Variants in PSMD12 observed in about 807,000 individuals in gnomAD.
The protein encoded by PSMD12 is 26S proteasome non-ATPase regulatory subunit 12.
In PSMD12, 8 loss-of-function variants were observed where a neutral mutation model predicts 62.9. The observed-to-expected ratio is 0.13, with a 90% confidence interval of 0.07 to 0.23. The LOEUF is 0.23. Among genes scored for constraint, PSMD12 ranks in the 10% least tolerant of loss-of-function variants. PSMD12 has a pLI of 1.00. For synonymous variants in PSMD12, 173 were observed against 187.4 expected (o/e 0.92, Z 0.63); for missense variants, 424 against 550.2 (o/e 0.77, Z 2.29).
intron 1 of PSMD12, among the ~76,000 whole-genome samples, chr17:67,358,645 G>A (rs1451050369): frequency 2.0e-5 from 3 of 150,432 alleles, no homozygotes; most frequent in Admixed American, 6.6e-5. Context: ...TGAAGTTACC[G>A]TCACCCTAAC....
chr17:67,356,604 TTAC>T lies in PSMD12; in HGVS notation c.297+696_297+698del, dbSNP rs774937375. 7.1e-5 allele frequency among the ~76,000 whole-genome samples: 10 copies of T among 141,510 alleles called. No homozygotes were observed. The East Asian group carries it at 1.0e-3, about 15-fold the overall frequency. 92.8% of individuals were successfully genotyped at this position (141,510 alleles called of 152,430 possible). A position where few individuals can be genotyped will look rare whatever the true frequency, so the allele number is the denominator to read the frequency against. ...AAAAAAAAGAAAATGAAATATTTAGTTACTACTAAAAAAAAATTTTGAAACAGC... is the reference window on the plus strand; with the variant it reads ...AAAAAAAAGAAAATGAAATATTTAGTTACTAAAAAAAAATTTTGAAACAGC... On this transcript the variant is annotated intron_variant, in intron 3 of 10. Coordinates refer to ENST00000356126, the MANE Select transcript of PSMD12 (RefSeq NM_002816.5).
Position 67,347,200 on chromosome 17 carries a change from C to A in PSMD12, c.711G>T (p.Glu237Asp), listed in dbSNP as rs1174926857. 5.0e-6 allele frequency: 8 copies of A among 1,613,468 alleles called. No individual in the cohort carries two copies. Among genetic ancestry groups the A allele is most frequent in the Non-Finnish European group, 6.8e-6 (8 of 1,179,670 alleles). ...YNLMIQLDQHEGSYLSICKHY... is the reference protein window; with the variant it reads ...YNLMIQLDQHDGSYLSICKHY... ...GCTTACAAATAGACAAATAGGATCC[C>A]TCATGTTGATCCAGCTGAATCATTA... The change falls in exon 7 of 11, where the codon GAG becomes GAT. Residue 237 changes from glutamate to aspartate, a missense_variant. Coordinates refer to ENST00000356126, the MANE Select transcript of PSMD12 (RefSeq NM_002816.5).
intron 7 of PSMD12, among the ~76,000 whole-genome samples, chr17:67,346,210 C>T (rs928448890): frequency 4.6e-5 from 7 of 151,784 alleles, no homozygotes; most frequent in East Asian, 1.9e-4. Flanking sequence ...CTGGCTAATA[C>T]GGTGAAACCC....
chr17:67,366,568 C>G lies in PSMD12; in HGVS notation c.-49G>C. ...CTGTCCCCCTGCTTCGGCCACCACT[C>G]GTCACCCACACCGGAAGTTGCCCGC... is the stretch of plus-strand genomic sequence containing the variant. On this transcript the variant is annotated 5_prime_UTR_variant, in exon 1 of 11. Transcript: ENST00000356126. 1 of 1,528,136 alleles carries G rather than the reference C, an allele frequency of 6.5e-7. No homozygotes were observed. Among genetic ancestry groups the G allele is most frequent in the Non-Finnish European group, 8.9e-7 (1 of 1,128,952 alleles). The allele number at this position is 1,528,136 out of a possible 1,614,324, so 94.7% of individuals were successfully genotyped here.
intron 1 of PSMD12, among the ~76,000 whole-genome samples, chr17:67,358,567 CAAAAAAA>C (rs398039153): frequency 9.5e-5 from 7 of 74,064 alleles, no homozygotes; most frequent in Admixed American, 3.6e-4. Context: ...GAACCTGTCT[CAAAAAAA>C]AAAAAAAAAA....
chr17:67,356,681 T>C (rs951691619), intron 3 of PSMD12, among the ~76,000 whole-genome samples: 1 of 145,194 alleles, frequency 6.9e-6, no homozygotes, highest in African/African-American at 2.5e-5. Context: ...AAAATGAGAA[T>C]ATCAGCTTGA....
chr17:67,345,052 C>G (rs1388590783), intron 8 of PSMD12, among the ~76,000 whole-genome samples: 1 of 152,114 alleles, frequency 6.6e-6, no homozygotes, highest in Non-Finnish European at 1.5e-5. Flanking sequence ...ATGAAACAAA[C>G]AGAAATAAGA....
intron 3 of PSMD12, 110 bp from the exon 4 acceptor site, chr17:67,350,446 A>G (rs2042006965): frequency 1.5e-6 from 1 of 646,398 alleles, no homozygotes. Context: ...AAGTAACTCT[A>G]GACACCAAAA....
intron 3 of PSMD12, among the ~76,000 whole-genome samples, chr17:67,350,890 T>C (rs1316407367): frequency 6.6e-6 from 1 of 152,182 alleles, no homozygotes; most frequent in African/African-American, 2.4e-5. Context: ...CTGTAAATTT[T>C]TGCAAATGTT....
intron 1 of PSMD12, among the ~76,000 whole-genome samples, chr17:67,358,601 GAA>G (rs1048620776): frequency 1.6e-5 from 2 of 122,018 alleles, no homozygotes; most frequent in Non-Finnish European, 3.7e-5. Context: ...AGAAAAAAAA[GAA>G]AAAAAAAGTA....
intron 1 of PSMD12, among the ~76,000 whole-genome samples, chr17:67,361,907 A>AGG (rs2042132799): frequency 2.2e-5 from 2 of 90,702 alleles, no homozygotes; most frequent in African/African-American, 3.4e-5. Context: ...AAAAAAAAAA[A>AGG]AAGGAAGGAA....
At chr17:67,351,118 G>A (rs1029324339) in intron 3 of PSMD12, among the ~76,000 whole-genome samples, 5 of 152,126 alleles carry the variant, frequency 3.3e-5, no homozygotes, top group African/African-American at 1.2e-4. Context: ...TGGGTCAGGC[G>A]TGGTGGCTCA....
chr17:67,359,946 T>C (rs1211721927), intron 1 of PSMD12, among the ~76,000 whole-genome samples: 1 of 152,196 alleles, frequency 6.6e-6, no homozygotes, highest in Non-Finnish European at 1.5e-5. Context: ...AATTCAATCA[T>C]TTCATTTTAG....
At chr17:67,362,360 G>C in intron 1 of PSMD12, among the ~76,000 whole-genome samples, 1 of 152,158 alleles carries the variant, frequency 6.6e-6, no homozygotes, top group Non-Finnish European at 1.5e-5. Context: ...ACCAATCACA[G>C]AGGCGGTAGA....
chr17:67,366,359 G>A, intron 1 of PSMD12, 53 bp downstream of exon 1: 1 of 1,529,260 alleles, frequency 6.5e-7, no homozygotes, highest in Admixed American at 1.8e-5. Context: ...AGCAGGCTCC[G>A]CGCCGTGACT....
At chr17:67,360,726 T>C (rs1460065720) in intron 1 of PSMD12, among the ~76,000 whole-genome samples, 2 of 152,226 alleles carry the variant, frequency 1.3e-5, no homozygotes, top group African/African-American at 4.8e-5. Flanking sequence ...GATCCTCGTT[T>C]ACTTGTCACT....
chr17:67,360,390 G>C (rs543671252), intron 1 of PSMD12, among the ~76,000 whole-genome samples: 1 of 152,152 alleles, frequency 6.6e-6, no homozygotes, highest in Non-Finnish European at 1.5e-5. Flanking sequence ...TTCTTACAAA[G>C]GCATTTTTGG....
chr17:67,358,587 GAAAAGAAAA>G (rs1192647740), intron 1 of PSMD12, among the ~76,000 whole-genome samples: 11 of 83,634 alleles, frequency 1.3e-4, no homozygotes, highest in African/African-American at 2.5e-4. Context: ...AAAAAAAAAA[GAAAAGAAAA>G]AAAAGAAAAA....
Position 67,340,581 on chromosome 17 carries a change from G to C in PSMD12, c.*262C>G, listed in dbSNP as rs2041903824. ...AACAGTAGCTAAAAAGGTTTCAAAT[G>C]ATAGAAAAACATATCTGGGTAAGTT... On this transcript the variant is annotated 3_prime_UTR_variant, in exon 11 of 11. Transcript: ENST00000356126. 1 of 328,000 alleles carries C rather than the reference G, an allele frequency of 3.0e-6. No individual in the cohort carries two copies. Among genetic ancestry groups the C allele is most frequent in the African/African-American group, 2.1e-5 (1 of 46,772 alleles). 20.3% of individuals were successfully genotyped at this position (328,000 alleles called of 1,614,324 possible).
Sources: allele counts gnomAD v4.1 joint callset (sites outside exome capture counted in the v4.1 genomes callset), GRCh38; gene constraint gnomAD v4.1.1; transcripts MANE v1.5; gene names NCBI Gene and HGNC (gene_info 2026-07-23, HGNC 2026-07-21).